RBMS2: variants seen among roughly 807,000 people sequenced by gnomAD.
RBMS2 encodes the protein RNA binding motif single stranded interacting protein 2, also known as RNA-binding motif, single-stranded-interacting protein 2.
In RBMS2, 38 loss-of-function variants were observed where a neutral mutation model predicts 58.4. The ratio of observed to expected loss-of-function variants is 0.65; its 90% CI spans 0.50 to 0.85. RBMS2 has a LOEUF of 0.85. RBMS2 is among the 40% of genes least tolerant of loss of function. The pLI is 0.00. For missense variants in RBMS2, 367 were observed against 503.7 expected, an observed-to-expected ratio of 0.73 and a Z score of 2.60; for synonymous variants, 151 against 180.7, an observed-to-expected ratio of 0.84 and a Z score of 1.32.
intron 1 of RBMS2, among the ~76,000 whole-genome samples, chr12:56,559,423 T>TGAGG (rs1879937894): frequency 1.3e-5 from 2 of 151,026 alleles, no homozygotes; most frequent in African/African-American, 4.9e-5. Flanking sequence ...CCTGACCTCG[T>TGAGG]GATCTCCCCA....
intron 5 of RBMS2, among the ~76,000 whole-genome samples, chr12:56,580,982 A>G (rs1254620878): frequency 1.3e-5 from 2 of 152,162 alleles, no homozygotes; most frequent in East Asian, 3.9e-4. Flanking sequence ...CCATACAGGG[A>G]CCAGTTGAAA....
At chr12:56,539,427 T>C (rs1029270359) in intron 1 of RBMS2, among the ~76,000 whole-genome samples, 20 of 152,336 alleles carry the variant, frequency 1.3e-4, no homozygotes, top group Middle Eastern at 3.4e-3. Context: ...CGTGCCCTTA[T>C]GTTCCAGCTT....
chr12:56,589,021 A>G lies in RBMS2; in HGVS notation c.*6+3A>G. On this transcript the variant is annotated splice_donor_region_variant and intron_variant, in intron 13 of 13. Transcript: ENST00000262031. ...TCCAGTTCAACAAGTAACAGTGGGTAAGAACCACATGCTGGGGGGCAGGGA... is the reference window on the plus strand; with the variant it reads ...TCCAGTTCAACAAGTAACAGTGGGTGAGAACCACATGCTGGGGGGCAGGGA... 1.2e-6 allele frequency: 2 copies of G among 1,614,146 alleles called. No homozygotes were observed.
chr12:56,528,702 G>A lies in RBMS2; in HGVS notation c.66+6613G>A, dbSNP rs113856825. Among the ~76,000 whole-genome samples the A allele has an allele frequency of 6.5e-3, 987 of 152,188 alleles. 12 individuals carry two copies. Among genetic ancestry groups the A allele is most frequent in the African/African-American group, 0.023 (948 of 41,502 alleles). On this transcript the variant is annotated intron_variant, in intron 1 of 13. Coordinates refer to ENST00000262031, the MANE Select transcript of RBMS2 (RefSeq NM_002898.4). ...TAATCGAAAGGACAAATATCTCCTC[G>A]GCACCGTGTTGCCCAGGAGTTAGAG... is the stretch of plus-strand genomic sequence containing the variant.
At chr12:56,560,751 T>C (rs1450289478) in intron 1 of RBMS2, among the ~76,000 whole-genome samples, 1 of 152,178 alleles carries the variant, frequency 6.6e-6, no homozygotes, top group African/African-American at 2.4e-5. Context: ...AAAGTGATTC[T>C]TTTTAAAATT....
chr12:56,523,687 G>A (rs1391970111), intron 1 of RBMS2, among the ~76,000 whole-genome samples: 1 of 152,186 alleles, frequency 6.6e-6, no homozygotes, highest in East Asian at 1.9e-4. Context: ...TTGAACCTGG[G>A]GGACAGAGGT....
At chr12:56,569,654 TAA>T (rs919454540) in intron 3 of RBMS2, among the ~76,000 whole-genome samples, 2 of 152,110 alleles carry the variant, frequency 1.3e-5, no homozygotes, top group Non-Finnish European at 2.9e-5. Context: ...TCAAATTTCT[TAA>T]GGGGGAGGGA....
intron 1 of RBMS2, among the ~76,000 whole-genome samples, chr12:56,543,746 C>T (rs1025274762): frequency 6.6e-6 from 1 of 151,710 alleles, no homozygotes; most frequent in Non-Finnish European, 1.5e-5. Flanking sequence ...CAGCTCACTG[C>T]AACCTCCACC....
At chr12:56,568,738 C>G (rs1881795803) in intron 2 of RBMS2, among the ~76,000 whole-genome samples, 1 of 152,024 alleles carries the variant, frequency 6.6e-6, no homozygotes, top group Non-Finnish European at 1.5e-5. Context: ...TCATGTTGGC[C>G]AGGCTGGCCT....
intron 2 of RBMS2, among the ~76,000 whole-genome samples, chr12:56,565,788 A>G (rs1881247490): frequency 6.6e-6 from 1 of 151,660 alleles, no homozygotes; most frequent in Non-Finnish European, 1.5e-5. Context: ...GGAAGTAAAT[A>G]TTGCTGGATC....
At chr12:56,560,361 A>G (rs1880176078) in intron 1 of RBMS2, among the ~76,000 whole-genome samples, 1 of 150,568 alleles carries the variant, frequency 6.6e-6, no homozygotes, top group South Asian at 2.1e-4. Flanking sequence ...GGTTCACACC[A>G]TTCTTCTGCC....
In RBMS2 at chr12:56,573,751, C is replaced by CTT. The variant is rs35292811; in HGVS notation, c.542+1912_542+1913dup. Among the ~76,000 whole-genome samples the CTT allele has an allele frequency of 1.2e-3, 171 of 139,880 alleles. 1 individual carries two copies. The highest frequency in any genetic ancestry group is 3.4e-3 in the African/African-American group (131 of 38,342). The allele number at this position is 139,880 out of a possible 152,430, so 91.8% of individuals were successfully genotyped here. ...TTATTAAGTAACTGAATGGTCCACA[C>CTT]TTTTTTTTTTTTTTTTTGAGACGGA... On this transcript the variant is annotated intron_variant, in intron 5 of 13. Transcript: ENST00000262031.
chr12:56,585,243 A>G (rs1884528939), intron 9 of RBMS2, among the ~76,000 whole-genome samples: 1 of 152,260 alleles, frequency 6.6e-6, no homozygotes, highest in African/African-American at 2.4e-5. Flanking sequence ...ATCTTTGTGT[A>G]TGGCATAAGA....
intron 1 of RBMS2, among the ~76,000 whole-genome samples, chr12:56,555,218 TG>T (rs1341400504): frequency 1.3e-5 from 2 of 152,072 alleles, no homozygotes; most frequent in African/African-American, 2.4e-5. Flanking sequence ...CCTTCTGTTT[TG>T]TTTTTTTTTA....
At chr12:56,581,374 G>A (rs753698184) in intron 6 of RBMS2, 25 bp from the exon 7 acceptor site, 1 of 1,611,194 alleles carries the variant, frequency 6.2e-7, no homozygotes, top group South Asian at 1.1e-5. Flanking sequence ...GGACTCAGCT[G>A]CCCATCTGCC....
Position 56,572,326 on chromosome 12 carries a change from G to C in RBMS2, c.542+471G>C, listed in dbSNP as rs866630484. ...AAAAAAAAGGTTCATTTTATTATAG[G>C]TTACAATACTCAAAAACCCATTAGC... is the stretch of plus-strand genomic sequence containing the variant. On this transcript the variant is annotated intron_variant, in intron 5 of 13. Coordinates refer to ENST00000262031, the MANE Select transcript of RBMS2 (RefSeq NM_002898.4). 2.2e-4 allele frequency among the ~76,000 whole-genome samples: 34 copies of C among 151,136 alleles called. No individual in the cohort carries two copies. The Middle Eastern group carries it at 0.01, about 46-fold the overall frequency.
intron 10 of RBMS2, 78 bp from the exon 11 acceptor site, chr12:56,587,476 C>T: frequency 6.8e-7 from 1 of 1,460,604 alleles, no homozygotes; most frequent in Non-Finnish European, 9.3e-7. Context: ...CTCCAGTGGT[C>T]CTGACAGCCA....
chr12:56,589,360 T>C lies in RBMS2; in HGVS notation c.*227T>C. On this transcript the variant is annotated 3_prime_UTR_variant, in exon 14 of 14. Transcript: ENST00000262031. ...CCTGGGGGAACCATCACTTTTTTTG[T>C]GTGCTACATTCAAGGAGATCAAAAA... 2 of 1,185,738 alleles carry C rather than the reference T, an allele frequency of 1.7e-6. No homozygotes were observed. Among genetic ancestry groups the C allele is most frequent in the African/African-American group, 1.6e-5 (1 of 63,024 alleles). The allele number at this position is 1,185,738 out of a possible 1,614,324, so 73.5% of individuals were successfully genotyped here.
At chr12:56,553,095 T>G (rs1362454740) in intron 1 of RBMS2, among the ~76,000 whole-genome samples, 4 of 151,810 alleles carry the variant, frequency 2.6e-5, no homozygotes, top group Middle Eastern at 3.4e-3. Context: ...TTTTGTATTT[T>G]TAGCAGAGAC....
Sources: gnomAD v4.1 joint callset for allele counts (sites outside exome capture counted in the v4.1 genomes callset) on GRCh38, gnomAD v4.1.1 for gene constraint, MANE v1.5 for transcripts, NCBI Gene and HGNC (gene_info 2026-07-23, HGNC 2026-07-21) for gene names.